Variants in ACTN2 observed in about 807,000 individuals in gnomAD.
The protein encoded by ACTN2 is alpha-actinin-2.
Under a neutral mutation model 113.8 loss-of-function variants are expected in ACTN2, and 39 were observed. The ratio of observed to expected loss-of-function variants is 0.34; its 90% CI spans 0.27 to 0.45. The LOEUF is 0.45. Ranked by LOEUF, ACTN2 falls within the 20% of genes least tolerant of loss-of-function variation. The probability of loss-of-function intolerance (pLI) is 1.00; values close to 1 mark genes in which losing one functional copy is unlikely to be tolerated. For synonymous variants in ACTN2, 429 were observed against 444.1 expected (o/e 0.97, Z 0.43); for missense variants, 992 against 1,177.9 (o/e 0.84, Z 2.31).
At chr1:236,761,934 G>A (rs1000292193) in intron 20 of ACTN2, among the ~76,000 whole-genome samples, 2 of 152,072 alleles carry the variant, frequency 1.3e-5, no homozygotes. Flanking sequence ...ATGGGGTGAG[G>A]GTGGATGGGA....
chr1:236,721,015 G>GGTTTTTTTTTTTTTTTTTTT lies in ACTN2; in HGVS notation c.448+824_448+825insGTTTTTTTTTTTTTTTTTTT. ...ACAGTAGCCTCTGACTCTGGTTTTTGTTTTTTGTTTTTTTTTTTTTTTTTT... is the reference window on the plus strand; with the variant it reads ...ACAGTAGCCTCTGACTCTGGTTTTTGGTTTTTTTTTTTTTTTTTTTTTTTTTGTTTTTTTTTTTTTTTTTT... On this transcript the variant is annotated intron_variant, in intron 4 of 20. Coordinates refer to ENST00000366578, the MANE Select transcript of ACTN2 (RefSeq NM_001103.4). Among the ~76,000 whole-genome samples the GGTTTTTTTTTTTTTTTTTTT allele has an allele frequency of 9.7e-3, 476 of 49,182 alleles. 210 individuals are homozygous for GGTTTTTTTTTTTTTTTTTTT. The highest frequency in any genetic ancestry group is 0.014 in the East Asian group (25 of 1,828). The allele number at this position is 49,182 out of a possible 152,430, so 32.3% of individuals were successfully genotyped here.
At position 236,698,654 on chromosome 1, in the gene ACTN2, G is replaced by A. The variant is rs369314105; in HGVS notation, c.126+11855G>A. On this transcript the variant is annotated intron_variant, in intron 1 of 20. Transcript: ENST00000366578. ...GTTAGAATTTGGAGCAGAGGATGTT[G>A]TAATTTTTTTCAGTCTAACACTAAA... is the stretch of plus-strand genomic sequence containing the variant. Among the ~76,000 whole-genome samples, 13 of 152,260 alleles carry A rather than the reference G, an allele frequency of 8.5e-5. No individual in the cohort carries two copies. In the East Asian group the frequency reaches 1.7e-3, roughly 20 times the overall value.
At chr1:236,725,464 C>T (rs1658519781) in intron 4 of ACTN2, among the ~76,000 whole-genome samples, 1 of 151,922 alleles carries the variant, frequency 6.6e-6, no homozygotes, top group East Asian at 1.9e-4. Flanking sequence ...CCTGTCTCTA[C>T]TAAAAATACA....
At chr1:236,725,278 C>T (rs941914652) in intron 4 of ACTN2, among the ~76,000 whole-genome samples, 24 of 152,054 alleles carry the variant, frequency 1.6e-4, no homozygotes, top group African/African-American at 4.8e-4. Context: ...GTCTCTGGTC[C>T]GAATAATAGG....
intron 20 of ACTN2, among the ~76,000 whole-genome samples, chr1:236,761,500 T>C (rs1357532782): frequency 6.6e-6 from 1 of 151,978 alleles, no homozygotes; most frequent in Non-Finnish European, 1.5e-5. Context: ...ACATTCTAGG[T>C]TGGTGGATGT....
In ACTN2 at chr1:236,686,647, C is replaced by T. The variant is rs1380356707; in HGVS notation, c.-27C>T. 6 of 1,538,758 alleles carry T rather than the reference C, an allele frequency of 3.9e-6. No individual in the cohort carries two copies. Among genetic ancestry groups the T allele is most frequent in the African/African-American group, 1.4e-5 (1 of 69,592 alleles). On this transcript the variant is annotated 5_prime_UTR_variant, in exon 1 of 21. Transcript: ENST00000366578. ...CCGTGCGTCCGAGCCCCTCGCGCCC[C>T]GCCGCAGCCCCGGCCAACCGAGCGC...
intron 4 of ACTN2, among the ~76,000 whole-genome samples, chr1:236,720,974 T>C (rs1253647506): frequency 6.7e-6 from 1 of 148,414 alleles, no homozygotes; most frequent in Non-Finnish European, 1.5e-5. Context: ...ACGTTATTTA[T>C]AATTCTGCCC....
intron 1 of ACTN2, among the ~76,000 whole-genome samples, chr1:236,691,605 G>A (rs974259418): frequency 5.9e-5 from 9 of 152,058 alleles, no homozygotes; most frequent in African/African-American, 1.7e-4. Flanking sequence ...TGATCGTGCC[G>A]CTGCACTCCA....
intron 12 of ACTN2, 147 bp from the exon 13 acceptor site, chr1:236,747,520 G>A (rs1489064146): frequency 1.4e-6 from 1 of 690,522 alleles, no homozygotes; most frequent in Non-Finnish European, 2.5e-6. Flanking sequence ...AGCCTCCACT[G>A]TCTATCAGCC....
In ACTN2 at chr1:236,761,135, C is replaced by A. The variant is rs145087599; in HGVS notation, c.2488C>A (p.Gln830Lys). Residue 830 changes from glutamine (Q) to lysine (K), a missense_variant, in exon 20 of 21, where the codon CAG (glutamine) becomes AAG (lysine). By Grantham distance (53) the Gln-to-Lys change is moderately conservative. Transcript: ENST00000366578. ...GACGGCTGACACCGACACTGCCGAG[C>A]AGGTCATCGCCTCCTTCCGGATCCT... is the stretch of plus-strand genomic sequence containing the variant. The part of the protein sequence containing the change: ...RETADTDTAE[Q>K]VIASFRILAS... 11 of 1,614,078 alleles carry A rather than the reference C, an allele frequency of 6.8e-6. No individual in the cohort carries two copies. Among genetic ancestry groups the A allele is most frequent in the Non-Finnish European group, 2.5e-6 (3 of 1,180,044 alleles).
At position 236,755,083 on chromosome 1, in the gene ACTN2, A is replaced by G. The variant is rs756567639; in HGVS notation, c.2039A>G (p.Gln680Arg). 18 of 1,614,126 alleles carry G rather than the reference A, an allele frequency of 1.1e-5. No homozygotes were observed. In the South Asian group the frequency reaches 2.0e-4, roughly 18 times the overall value. ...GAAGACCAGATGAACCAGCTGAAGC[A>G]GTATGAGCACAACATCATCAACTAT... ...ALEDQMNQLKQYEHNIINYKN... is the reference protein window; with the variant it reads ...ALEDQMNQLKRYEHNIINYKN... The change falls in exon 17 of 21, where the codon CAG (glutamine) becomes CGG (arginine). Residue 680 changes from glutamine (Q) to arginine (R), a missense_variant. Physicochemically the swap from Gln to Arg is conservative, Grantham distance 43. Around this residue, in one of 3 missense-constraint regions of ACTN2, gnomAD observed 736 missense variants for 815.4 expected, o/e 0.90. Transcript: ENST00000366578.
chr1:236,713,475 C>A (rs561627354), intron 1 of ACTN2, among the ~76,000 whole-genome samples: 2 of 152,314 alleles, frequency 1.3e-5, no homozygotes, highest in South Asian at 2.1e-4. Context: ...GATCCACCCA[C>A]TTTGGCCTCC....
rs1462221092 is a variant in ACTN2 at position 236,747,703 on chromosome 1, T to A, written c.1443T>A (p.Asp481Glu). The change falls in exon 13 of 21, where the codon GAT (aspartate) becomes GAA (glutamate). Residue 481 changes from aspartate to glutamate, a missense_variant. Asp to Glu is a conservative substitution (Grantham distance 45, BLOSUM62 2). Transcript: ENST00000366578. ...ATCACGACGCTGTGAATGTCAATGA[T>A]CGGTGCCAGAAAATTTGTGACCAGT... The part of the protein sequence containing the change: ...LDYHDAVNVN[D>E]RCQKICDQWD... 6.2e-7 allele frequency: 1 copy of A among 1,614,230 alleles called. No individual in the cohort carries two copies. The highest frequency in any genetic ancestry group is 2.2e-5 in the East Asian group (1 of 44,888).
chr1:236,761,208 G>T (rs755737153), intron 20 of ACTN2, 35 bp downstream of exon 20: 2 of 1,612,808 alleles, frequency 1.2e-6, no homozygotes, highest in South Asian at 2.2e-5. Flanking sequence ...GCTTTAGCAG[G>T]AGTCCACTAC....
Position 236,739,252 on chromosome 1 carries a change from G to T in ACTN2, c.877-50G>T, listed in dbSNP as rs774950873. On this transcript the variant is annotated intron_variant, in intron 9 of 20. Coordinates refer to ENST00000366578, the MANE Select transcript of ACTN2 (RefSeq NM_001103.4). ...GCCTCATTTTTTTTTTTTAACTGGGGGAGGGGGCTTGCTGGTGTCTTCAGC... is the reference window on the plus strand; with the variant it reads ...GCCTCATTTTTTTTTTTTAACTGGGTGAGGGGGCTTGCTGGTGTCTTCAGC... 9 of 1,578,546 alleles carry T rather than the reference G, an allele frequency of 5.7e-6. No homozygotes were observed. In the East Asian group the frequency reaches 1.8e-4, roughly 31 times the overall value.
intron 1 of ACTN2, among the ~76,000 whole-genome samples, chr1:236,702,203 C>A (rs1349896852): frequency 3.9e-5 from 6 of 152,090 alleles, no homozygotes; most frequent in Non-Finnish European, 8.8e-5. Flanking sequence ...TGGATTGGAT[C>A]CAAGTTAAGT....
chr1:236,760,947 G>T (rs1304017578), intron 19 of ACTN2, 68 bp from the exon 20 acceptor site: 1 of 1,597,844 alleles, frequency 6.3e-7, no homozygotes, highest in Non-Finnish European at 8.6e-7. Flanking sequence ...ACCAGGGAAA[G>T]AATGAAAACG....
At position 236,740,526 on chromosome 1, in the gene ACTN2, C is replaced by CATTTTTATTTTTATTTTT. The variant is rs3053502; in HGVS notation, c.1107+1001_1107+1018dup. On this transcript the variant is annotated intron_variant, in intron 10 of 20. Transcript: ENST00000366578. Reference sequence around the variant, plus strand: ...TGGCATTCATGTTGTCAGAGCAAGTCATTTTTATTTTTATTTTTATTTTTG... The same window carrying CATTTTTATTTTTATTTTT: ...TGGCATTCATGTTGTCAGAGCAAGTCATTTTTATTTTTATTTTTATTTTTATTTTTATTTTTATTTTTG... 2.0e-5 allele frequency among the ~76,000 whole-genome samples: 3 copies of CATTTTTATTTTTATTTTT among 150,480 alleles called. No homozygotes were observed. The East Asian group carries it at 6.0e-4, about 30-fold the overall frequency.
At chr1:236,709,228 A>ATATG (rs1657926730) in intron 1 of ACTN2, among the ~76,000 whole-genome samples, 5 of 54,526 alleles carry the variant, frequency 9.2e-5, no homozygotes, top group Admixed American at 4.2e-4. Flanking sequence ...CTGTATATAT[A>ATATG]TATATATATA....
Sources: gnomAD v4.1 joint callset for allele counts (sites outside exome capture counted in the v4.1 genomes callset) on GRCh38, gnomAD v4.1.1 for gene constraint, gnomAD v4.1.1 regional missense constraint, MANE v1.5 for transcripts, NCBI Gene and HGNC (gene_info 2026-07-23, HGNC 2026-07-21) for gene names.